AP3B1: variants seen among roughly 807,000 people sequenced by gnomAD.
AP3B1 encodes the protein AP-3 complex subunit beta-1.
A neutral mutation model predicts 132.5 loss-of-function variants in AP3B1; 61 were observed. The ratio of observed to expected loss-of-function variants is 0.46; its 90% CI spans 0.37 to 0.57. The LOEUF (loss-of-function observed/expected upper bound fraction) is 0.57, where lower values mean the gene tolerates loss of function less well. Ranked by LOEUF, AP3B1 falls within the 20% of genes least tolerant of loss-of-function variation. The pLI, the probability that AP3B1 is intolerant of heterozygous loss-of-function variation, is 0.00. For synonymous variants in AP3B1, 388 were observed against 438.3 expected (o/e 0.89, Z 1.43); for missense variants, 1,120 against 1,289.4 (o/e 0.87, Z 2.01).
At chr5:78,209,211 T>C (rs760462606) in intron 7 of AP3B1, among the ~76,000 whole-genome samples, 4 of 152,100 alleles carry the variant, frequency 2.6e-5, no homozygotes, top group East Asian at 1.9e-4. Flanking sequence ...CAGACCATGA[T>C]AGGAAGGGTG....
chr5:78,218,636 C>T (rs867430858), intron 6 of AP3B1, among the ~76,000 whole-genome samples: 2 of 152,104 alleles, frequency 1.3e-5, no homozygotes, highest in African/African-American at 4.8e-5. Context: ...TCACACTAAG[C>T]AAATGGTTCC....
chr5:78,117,089 T>C (rs1413412347), intron 17 of AP3B1, among the ~76,000 whole-genome samples: 1 of 151,732 alleles, frequency 6.6e-6, no homozygotes, highest in Non-Finnish European at 1.5e-5. Context: ...CATGCCTTAC[T>C]GTTCCTCCAA....
intron 2 of AP3B1, among the ~76,000 whole-genome samples, chr5:78,256,914 A>G (rs1747871624): frequency 6.6e-6 from 1 of 152,194 alleles, no homozygotes; most frequent in South Asian, 2.1e-4. Flanking sequence ...ATGGGCAATA[A>G]AAACCATATG....
chr5:78,261,313 T>G (rs1333932450), intron 2 of AP3B1, among the ~76,000 whole-genome samples: 1 of 152,236 alleles, frequency 6.6e-6, no homozygotes, highest in African/African-American at 2.4e-5. Context: ...TGGTGTAAAG[T>G]GATCTTACTA....
At chr5:78,231,549 A>T (rs1746654591) in intron 3 of AP3B1, among the ~76,000 whole-genome samples, 1 of 152,182 alleles carries the variant, frequency 6.6e-6, no homozygotes, top group Admixed American at 6.5e-5. Context: ...AGATGCCCAC[A>T]TACTGTATTT....
intron 24 of AP3B1, among the ~76,000 whole-genome samples, chr5:78,023,180 G>T (rs1448423468): frequency 2.0e-5 from 3 of 152,124 alleles, no homozygotes; most frequent in African/African-American, 7.2e-5. Flanking sequence ...AGGAGTTTAG[G>T]GACTTAAAGA....
downstream of AP3B1, chr5:78,000,729 A>G (rs1050988157): frequency 1.3e-5 from 2 of 152,236 alleles, no homozygotes; most frequent in African/African-American, 2.4e-5. Flanking sequence ...GAAAAAATAT[A>G]GCTAGAATTA....
intron 1 of AP3B1, among the ~76,000 whole-genome samples, chr5:78,286,963 T>G (rs1039707520): frequency 2.0e-5 from 3 of 152,364 alleles, no homozygotes; most frequent in African/African-American, 7.2e-5. Flanking sequence ...ATTTTGAATT[T>G]GGACTGCAGG....
chr5:78,205,816 G>C (rs1202887782), intron 7 of AP3B1, among the ~76,000 whole-genome samples: 1 of 151,534 alleles, frequency 6.6e-6, no homozygotes, highest in South Asian at 2.1e-4. Context: ...CAGAATCATG[G>C]GGATGGAGGG....
chr5:78,212,428 T>G (rs1303284695), intron 7 of AP3B1, among the ~76,000 whole-genome samples: 2 of 152,250 alleles, frequency 1.3e-5, no homozygotes, highest in Non-Finnish European at 2.9e-5. Context: ...CAGGCAGGTT[T>G]TTTTAATTAT....
chr5:78,005,891 A>G (rs924816674), intron 26 of AP3B1, among the ~76,000 whole-genome samples: 9 of 152,202 alleles, frequency 5.9e-5, no homozygotes, highest in Admixed American at 2.0e-4. Flanking sequence ...GTACTAATTC[A>G]TAAGTAATAA....
chr5:78,156,929 T>C (rs1036226734), intron 13 of AP3B1, among the ~76,000 whole-genome samples: 5 of 152,090 alleles, frequency 3.3e-5, no homozygotes, highest in African/African-American at 4.8e-5. Flanking sequence ...GAGAGTGAGA[T>C]GGATTTTCTC....
intron 12 of AP3B1, 120 bp downstream of exon 12, chr5:78,165,483 TAGTTGTC>T (rs1306451532): frequency 1.2e-5 from 8 of 667,172 alleles, no homozygotes; most frequent in African/African-American, 1.9e-5. Context: ...ATGAATTTCT[TAGTTGTC>T]AGTCTTGTCC....
intron 22 of AP3B1, chr5:78,087,549 C>T (rs886882510): frequency 1.2e-5 from 12 of 985,220 alleles, no homozygotes; most frequent in East Asian, 1.1e-4. Context: ...TTCTTTTTAG[C>T]GCTACTTGTT....
chr5:78,181,412 A>T (rs897344954), intron 8 of AP3B1, 95 bp downstream of exon 8: 6 of 1,180,986 alleles, frequency 5.1e-6, no homozygotes, highest in Admixed American at 3.8e-5. Context: ...CAAATGCTCC[A>T]TTAGCACACA....
chr5:78,077,509 A>G (rs1367859125), intron 22 of AP3B1, among the ~76,000 whole-genome samples: 2 of 152,222 alleles, frequency 1.3e-5, no homozygotes, highest in Admixed American at 1.3e-4. Flanking sequence ...TTGGAAAACA[A>G]GTTAAGGAAT....
intron 26 of AP3B1, among the ~76,000 whole-genome samples, chr5:78,005,587 G>C (rs995808712): frequency 6.6e-6 from 1 of 152,196 alleles, no homozygotes; most frequent in South Asian, 2.1e-4. Flanking sequence ...AATCATCCTA[G>C]CAACATAATC....
chr5:78,261,534 C>T (rs746136907), intron 2 of AP3B1, among the ~76,000 whole-genome samples: 6 of 152,178 alleles, frequency 3.9e-5, no homozygotes, highest in African/African-American at 1.4e-4. Flanking sequence ...GGCACGACCT[C>T]GGCTCACTGC....
intron 14 of AP3B1, among the ~76,000 whole-genome samples, chr5:78,150,723 C>T (rs998659345): frequency 2.0e-5 from 3 of 151,870 alleles, no homozygotes; most frequent in East Asian, 1.9e-4. Context: ...AACATAAGGA[C>T]GGAGCTGGTA....
Sources: allele counts gnomAD v4.1 joint callset (sites outside exome capture counted in the v4.1 genomes callset), GRCh38; gene constraint gnomAD v4.1.1; transcripts MANE v1.5; gene names NCBI Gene and HGNC (gene_info 2026-07-23, HGNC 2026-07-21).